Variants in RAB44 observed in about 807,000 individuals in gnomAD.
RAB44 encodes RAB44, member RAS oncogene family.
A neutral mutation model predicts 93.3 loss-of-function variants in RAB44; 67 were observed. The ratio of observed to expected loss-of-function variants is 0.72; its 90% CI spans 0.59 to 0.88. The LOEUF (loss-of-function observed/expected upper bound fraction) is 0.88. Ranked by LOEUF, RAB44 falls within the 40% of genes least tolerant of loss-of-function variation. The pLI, the probability that RAB44 is intolerant of heterozygous loss-of-function variation, is 0.00. For synonymous variants in RAB44, 427 were observed against 520.3 expected (o/e 0.82, Z 2.44); for missense variants, 1,064 against 1,261.7 (o/e 0.84, Z 2.37).
At chr6:36,705,928 C>A (rs1399165998) in intron 2 of RAB44, among the ~76,000 whole-genome samples, 1 of 150,292 alleles carries the variant, frequency 6.7e-6, no homozygotes, top group Admixed American at 6.6e-5. Context: ...GAGATAGGAT[C>A]TCACTCTGTT....
intron 2 of RAB44, among the ~76,000 whole-genome samples, chr6:36,711,162 CTG>C (rs1762777234): frequency 1.3e-5 from 2 of 152,146 alleles, no homozygotes; most frequent in African/African-American, 4.8e-5. Context: ...ATCTTGGAAA[CTG>C]TGTTTAAGGT....
intron 1 of RAB44, 103 bp from the exon 2 acceptor site, chr6:36,704,121 A>G (rs1030088174): frequency 9.4e-7 from 1 of 1,066,796 alleles, no homozygotes; most frequent in Non-Finnish European, 1.3e-6. Flanking sequence ...TGGCAGCCAC[A>G]GTGGATTTTC....
chr6:36,714,832 G>A (rs1005198779), intron 3 of RAB44, among the ~76,000 whole-genome samples: 13 of 152,246 alleles, frequency 8.5e-5, no homozygotes, highest in Admixed American at 5.2e-4. Flanking sequence ...CCATCCAGAC[G>A]CTGCCAACCT....
rs1762959535 is a variant in RAB44, at chr6:36,717,739, A to AGTGGGGATTGAGTGATGGGGTG, written c.642-282_642-281insTTGAGTGATGGGGTGGTGGGGA. Among the ~76,000 whole-genome samples the AGTGGGGATTGAGTGATGGGGTG allele has an allele frequency of 6.7e-6, 1 of 149,738 alleles. No homozygotes were observed. The highest frequency in any genetic ancestry group is 1.5e-5 in the Non-Finnish European group (1 of 67,212). The stretch of plus-strand genomic sequence containing the variant: ...AGGGCAGGAGGACGGTGAAAGAGGG[A>AGTGGGGATTGAGTGATGGGGTG]GTGGGGACTGAGTGATGGGGTGATG... On this transcript the variant is annotated intron_variant, in intron 5 of 13. Transcript: ENST00000612677. This position sits in a 1 kb window ranked among gnomAD's most constrained non-coding sequence, Gnocchi z 4.1.
intron 1 of RAB44, among the ~76,000 whole-genome samples, 172 bp from the exon 2 acceptor site, chr6:36,704,052 C>T (rs891841185): frequency 6.6e-6 from 1 of 152,128 alleles, no homozygotes; most frequent in Non-Finnish European, 1.5e-5. Context: ...GACGAGAGGC[C>T]ATGAGGCGGC....
At position 36,727,670 on chromosome 6, in the gene RAB44, C is replaced by T. The variant is rs1025349715; in HGVS notation, c.2775C>T (p.Arg925=). The change falls in exon 11 of 14, where the codon CGC becomes CGT. Residue 925 remains arginine, a synonymous_variant. Coordinates refer to ENST00000612677, the MANE Select transcript of RAB44 (RefSeq NM_001257357.2). ...ITSQESFAHV[R]YWLDCLQDAG... The stretch of plus-strand genomic sequence containing the variant: ...CCCAGGAGAGCTTTGCCCACGTGCG[C>T]TACTGGCTAGACTGTCTCCAGGTGA... 6.5e-7 allele frequency: 1 copy of T among 1,550,236 alleles called. No individual in the cohort carries two copies. Among genetic ancestry groups the T allele is most frequent in the African/African-American group, 1.4e-5 (1 of 73,056 alleles).
chr6:36,707,579 G>A (rs906423580), intron 2 of RAB44, among the ~76,000 whole-genome samples: 8 of 152,256 alleles, frequency 5.3e-5, no homozygotes, highest in Middle Eastern at 3.4e-3. Flanking sequence ...TCTGCTTTTG[G>A]ACTCAAAAGA....
chr6:36,717,768 A>T lies in RAB44; in HGVS notation c.642-260A>T, dbSNP rs145740525. On this transcript the variant is annotated intron_variant, in intron 5 of 13. Transcript: ENST00000612677. This position sits in a 1 kb window ranked among gnomAD's most constrained non-coding sequence, Gnocchi z 4.1. ...GGGACTGAGTGATGGGGTGATGGGG[A>T]CAATGAGACCCTGGCCAGGGGAACT... Among the ~76,000 whole-genome samples the T allele has an allele frequency of 1.2e-3, 181 of 152,164 alleles. No individual in the cohort carries two copies. The highest frequency in any genetic ancestry group is 4.3e-3 in the African/African-American group (178 of 41,506).
intron 1 of RAB44, among the ~76,000 whole-genome samples, 180 bp from the exon 2 acceptor site, chr6:36,704,044 C>T (rs1299010112): frequency 1.3e-5 from 2 of 152,246 alleles, no homozygotes; most frequent in South Asian, 2.1e-4. Flanking sequence ...GCAGAATGGA[C>T]GAGAGGCCAT....
At chr6:36,707,425 A>C (rs1202839153) in intron 2 of RAB44, among the ~76,000 whole-genome samples, 2 of 152,160 alleles carry the variant, frequency 1.3e-5, no homozygotes, top group Non-Finnish European at 2.9e-5. Flanking sequence ...ACCAGGAAAG[A>C]GCTTCCTTAC....
chr6:36,731,908 G>T lies in RAB44; in HGVS notation c.2976-95G>T, dbSNP rs1418070279. ...GGGCAGAGCTGTTGTGGGGGTTGTG[G>T]GTGCGGCCTCCCACCCCCCAGCTGC... is the stretch of plus-strand genomic sequence containing the variant. On this transcript the variant is annotated intron_variant, in intron 13 of 13. Coordinates refer to ENST00000612677, the MANE Select transcript of RAB44 (RefSeq NM_001257357.2). This position sits in a 1 kb window ranked among gnomAD's most constrained non-coding sequence, Gnocchi z 4.0. 4 of 685,154 alleles carry T rather than the reference G, an allele frequency of 5.8e-6. No individual in the cohort carries two copies. Among genetic ancestry groups the T allele is most frequent in the Non-Finnish European group, 8.2e-6 (4 of 489,686 alleles). 42.4% of individuals were successfully genotyped at this position (685,154 alleles called of 1,614,324 possible). A position where few individuals can be genotyped will look rare whatever the true frequency, so the allele number is the denominator to read the frequency against.
At position 36,717,548 on chromosome 6, in the gene RAB44, G is replaced by A; in HGVS notation, c.641+129G>A. On this transcript the variant is annotated intron_variant, in intron 5 of 13. Coordinates refer to ENST00000612677, the MANE Select transcript of RAB44 (RefSeq NM_001257357.2). The surrounding 1 kb of genome is among the most constrained non-coding windows in gnomAD (Gnocchi z 4.1). ...GAGCTGGATAGGGCAGAGCTGCGCT[G>A]GAGGAAGAGGTGGCTCAGGGGACCG... 9.4e-7 allele frequency: 1 copy of A among 1,060,228 alleles called. No individual in the cohort carries two copies. 65.7% of individuals were successfully genotyped at this position (1,060,228 alleles called of 1,614,324 possible). A position where few individuals can be genotyped will look rare whatever the true frequency, so the allele number is the denominator to read the frequency against.
At chr6:36,698,604 G>A (rs1056961587) in intron 1 of RAB44, among the ~76,000 whole-genome samples, 1 of 152,150 alleles carries the variant, frequency 6.6e-6, no homozygotes, top group Non-Finnish European at 1.5e-5. Context: ...GTCATGCTGA[G>A]GGGCTATATG....
intron 2 of RAB44, among the ~76,000 whole-genome samples, chr6:36,708,443 T>C (rs1016579903): frequency 3.3e-5 from 5 of 152,096 alleles, no homozygotes; most frequent in Admixed American, 6.6e-5. Context: ...ATCTTAAAAT[T>C]TTTATTGTAT....
intron 9 of RAB44, among the ~76,000 whole-genome samples, chr6:36,722,958 T>A (rs1763134600): frequency 6.6e-6 from 1 of 152,270 alleles, no homozygotes; most frequent in Non-Finnish European, 1.5e-5. Context: ...GATTAGCTTA[T>A]AAGGTGCCAC....
Position 36,732,215 on chromosome 6 carries a change from T to A in RAB44, c.*122T>A. ...GCTTGGAGGTTCAGGAAAACCCTTC[T>A]CAACTCAGGACTCGGATCCCAGAGC... On this transcript the variant is annotated 3_prime_UTR_variant, in exon 14 of 14. Transcript: ENST00000612677. 1.9e-6 allele frequency: 1 copy of A among 531,654 alleles called. No homozygotes were observed. The highest frequency in any genetic ancestry group is 2.9e-6 in the Non-Finnish European group (1 of 348,068). The allele number at this position is 531,654 out of a possible 1,614,324, so 32.9% of individuals were successfully genotyped here.
rs574381167 is a variant in RAB44 at position 36,728,711 on chromosome 6, G to T, written c.2808G>T (p.Ser936=). 6.4e-7 allele frequency: 1 copy of T among 1,550,410 alleles called. No individual in the cohort carries two copies. The highest frequency in any genetic ancestry group is 2.0e-5 in the Admixed American group (1 of 50,982). Reference sequence around the variant, plus strand: ...TGTTCTGTGTGCAGGATGCAGGGTCGGATGGGGTGGTCATCCTTCTCCTGG... The same window carrying T: ...TGTTCTGTGTGCAGGATGCAGGGTCTGATGGGGTGGTCATCCTTCTCCTGG... The part of the protein sequence containing the change: ...YWLDCLQDAG[S]DGVVILLLGN... The change falls in exon 12 of 14, where the codon TCG becomes TCT. Residue 936 remains serine (S), a synonymous_variant. Transcript: ENST00000612677.
rs933493715 is a variant in RAB44, at chr6:36,727,591, C to T, written c.2696C>T (p.Thr899Met). 7.1e-6 allele frequency: 11 copies of T among 1,550,280 alleles called. No homozygotes were observed. The highest frequency in any genetic ancestry group is 1.4e-5 in the African/African-American group (1 of 73,028). Residue 899 changes from threonine (T) to methionine (M), a missense_variant, in exon 11 of 14, where the codon ACG (threonine) becomes ATG (methionine). Physicochemically the swap from Thr to Met is moderately conservative, Grantham distance 81. Coordinates refer to ENST00000612677, the MANE Select transcript of RAB44 (RefSeq NM_001257357.2). Reference sequence around the variant, plus strand: ...TCTCTGGGCAGGTACCACAGTATGACGCGACAGCTGCTCCGCAAGGCTGAC... The same window carrying T: ...TCTCTGGGCAGGTACCACAGTATGATGCGACAGCTGCTCCGCAAGGCTGAC... ...TAGQERYHSM[T>M]RQLLRKADGV...
chr6:36,726,030 C>A, intron 10 of RAB44, 87 bp downstream of exon 10: 3 of 1,007,604 alleles, frequency 3.0e-6, no homozygotes, highest in Non-Finnish European at 4.5e-6. Context: ...ATAACACAGG[C>A]AGGAGGCAAC....
Sources: allele counts gnomAD v4.1 joint callset (sites outside exome capture counted in the v4.1 genomes callset), GRCh38; gene constraint gnomAD v4.1.1; non-coding constraint Gnocchi (gnomAD v3.1); transcripts MANE v1.5; gene names NCBI Gene and HGNC (gene_info 2026-07-23, HGNC 2026-07-21).